Variants in SLMAP observed in about 807,000 individuals in gnomAD.
The protein encoded by SLMAP is sarcolemma associated protein, also known as sarcolemmal membrane-associated protein.
Under a neutral mutation model 128.8 loss-of-function variants are expected in SLMAP, and 44 were observed. That is an observed-to-expected ratio of 0.34 (90% confidence interval 0.27 to 0.44). SLMAP has a LOEUF of 0.44. SLMAP is among the 20% of genes least tolerant of loss of function. The probability of loss-of-function intolerance (pLI) is 1.00; values close to 1 mark genes in which losing one functional copy is unlikely to be tolerated. For synonymous variants in SLMAP, 327 were observed against 348.8 expected (o/e 0.94, Z 0.70); for missense variants, 787 against 985.3 (o/e 0.80, Z 2.69).
chr3:57,873,984 G>A (rs1214517091), intron 14 of SLMAP, among the ~76,000 whole-genome samples: 4 of 152,086 alleles, frequency 2.6e-5, no homozygotes, highest in South Asian at 2.1e-4. Flanking sequence ...TAGCTGGGGC[G>A]TGGTGATGCA....
chr3:57,865,121 C>A, intron 12 of SLMAP, 121 bp from the exon 13 acceptor site: 1 of 604,606 alleles, frequency 1.7e-6, no homozygotes, highest in Non-Finnish European at 2.8e-6. Context: ...ACAGCAGGAT[C>A]CCTTTTAAAG....
At position 57,912,613 on chromosome 3, in the gene SLMAP, G is replaced by A. The variant is rs1370085884; in HGVS notation, c.1932G>A (p.Glu644=). The change falls in exon 20 of 25, where the codon GAG becomes GAA. Residue 644 remains glutamate (E), a synonymous_variant. Coordinates refer to ENST00000671191, the MANE Select transcript of SLMAP (RefSeq NM_001377540.1). ...GGCGGAAAGCAGCGTCTGAATATGA[G>A]AAAGAAATCACAAGTCTGCAAAACA... ...ERWRKAASEY[E]KEITSLQNSF... The A allele has an allele frequency of 6.2e-7, 1 of 1,614,094 alleles. No homozygotes were observed.
chr3:57,805,437 G>A (rs1348534105), intron 2 of SLMAP, among the ~76,000 whole-genome samples: 1 of 152,182 alleles, frequency 6.6e-6, no homozygotes, highest in African/African-American at 2.4e-5. Context: ...CATTGCTGCA[G>A]TATTTCCAAA....
Position 57,916,891 on chromosome 3 carries a change from A to G in SLMAP, c.2139-15A>G, listed in dbSNP as rs758965959. The G allele has an allele frequency of 1.0e-5, 16 of 1,606,022 alleles. No individual in the cohort carries two copies. Among genetic ancestry groups the G allele is most frequent in the Non-Finnish European group, 1.4e-5 (16 of 1,173,958 alleles). On this transcript the variant is annotated splice_polypyrimidine_tract_variant and intron_variant, in intron 21 of 24. Transcript: ENST00000671191. ...TCTACCTGTGAATAACTATCTGTCA[A>G]TATTTATATTGCAGTTCTCAGAAGC...
intron 2 of SLMAP, among the ~76,000 whole-genome samples, chr3:57,823,374 C>T (rs2092677974): frequency 6.6e-6 from 1 of 152,100 alleles, no homozygotes; most frequent in Non-Finnish European, 1.5e-5. Flanking sequence ...TCCCTCCTCC[C>T]ACCACCCTAC....
In SLMAP at chr3:57,909,140, G is replaced by T; in HGVS notation, c.1689G>T (p.Gln563His). Reference protein sequence around the residue: ...NQVEESTKQIQVLQAQLQRLH... With the variant: ...NQVEESTKQIHVLQAQLQRLH... ...TTGAGGAATCCACTAAACAAATACA[G>T]GTTCTTCAAGGTATGGAAGACCCCA... Residue 563 changes from glutamine (Q) to histidine (H), a missense_variant, in exon 19 of 25, where the codon CAG (glutamine) becomes CAT (histidine). This residue lies in a region of SLMAP where 715 missense variants were observed against 843.6 expected (regional missense o/e 0.85). Coordinates refer to ENST00000671191, the MANE Select transcript of SLMAP (RefSeq NM_001377540.1). 1 of 1,604,970 alleles carries T rather than the reference G, an allele frequency of 6.2e-7. No homozygotes were observed. Among genetic ancestry groups the T allele is most frequent in the Admixed American group, 1.7e-5 (1 of 59,270 alleles).
intron 23 of SLMAP, among the ~76,000 whole-genome samples, chr3:57,924,418 GAGTGC>G (rs1181197290): frequency 6.6e-6 from 1 of 151,580 alleles, no homozygotes; most frequent in East Asian, 1.9e-4. Flanking sequence ...GCCCAGGCTG[GAGTGC>G]AGTGGCATGA....
intron 3 of SLMAP, 60 bp downstream of exon 3, chr3:57,831,590 T>C: frequency 8.5e-7 from 1 of 1,179,562 alleles, no homozygotes; most frequent in Middle Eastern, 2.1e-4. Flanking sequence ...AATTTTTTAT[T>C]ATCTTACTTG....
intron 3 of SLMAP, among the ~76,000 whole-genome samples, chr3:57,832,041 C>T (rs770494142): frequency 1.9e-4 from 29 of 152,314 alleles, no homozygotes; most frequent in Non-Finnish European, 3.4e-4. Flanking sequence ...AAGGATGAGG[C>T]GGGGATAAAA....
chr3:57,862,058 A>G lies in SLMAP; in HGVS notation c.938A>G (p.Glu313Gly). ...LANKYNGAVNEIKDLSDKLKV... is the reference protein window; with the variant it reads ...LANKYNGAVNGIKDLSDKLKV... ...AACAAATATAATGGAGCAGTTAATG[A>G]GATTAAAGATTTATCTGATAAATTA... The change falls in exon 10 of 25, where the codon GAG (glutamate) becomes GGG (glycine). Residue 313 changes from glutamate (E) to glycine (G), a missense_variant. Transcript: ENST00000671191. 1 of 1,586,880 alleles carries G rather than the reference A, an allele frequency of 6.3e-7. No individual in the cohort carries two copies. Among genetic ancestry groups the G allele is most frequent in the Non-Finnish European group, 8.7e-7 (1 of 1,155,920 alleles).
chr3:57,844,284 C>T (rs1307209969), intron 4 of SLMAP, among the ~76,000 whole-genome samples: 2 of 152,022 alleles, frequency 1.3e-5, no homozygotes, highest in Non-Finnish European at 2.9e-5. Flanking sequence ...GTCCCAGCTA[C>T]TCAGGAGACT....
At chr3:57,855,705 A>G (rs1490197096) in intron 6 of SLMAP, among the ~76,000 whole-genome samples, 2 of 117,302 alleles carry the variant, frequency 1.7e-5, no homozygotes, top group Non-Finnish European at 3.4e-5. Context: ...AGAACGCCCC[A>G]TCTGTTAAAA....
At chr3:57,859,956 T>C (rs2094969774) in intron 8 of SLMAP, among the ~76,000 whole-genome samples, 1 of 152,184 alleles carries the variant, frequency 6.6e-6, no homozygotes, top group African/African-American at 2.4e-5. Context: ...GAATAATGAA[T>C]TGGTGGTTTT....
chr3:57,845,594 T>A (rs2094201458), intron 4 of SLMAP, among the ~76,000 whole-genome samples: 1 of 151,962 alleles, frequency 6.6e-6, no homozygotes, highest in Admixed American at 6.6e-5. Context: ...GGATGTGGAG[T>A]GATTAGCAGC....
chr3:57,853,995 A>ATATT, intron 6 of SLMAP, among the ~76,000 whole-genome samples: 1 of 110,300 alleles, frequency 9.1e-6, no homozygotes, highest in Non-Finnish European at 1.8e-5. Flanking sequence ...ATATATATAT[A>ATATT]TATATTTACA....
intron 3 of SLMAP, among the ~76,000 whole-genome samples, chr3:57,835,481 C>T (rs1042148959): frequency 5.3e-5 from 8 of 152,068 alleles, no homozygotes; most frequent in South Asian, 2.1e-4. Context: ...AGAAATAAAG[C>T]TAGAATAAAC....
chr3:57,821,912 TTCCTCCTCCTCCTCC>T (rs112836711), intron 2 of SLMAP, among the ~76,000 whole-genome samples: 1 of 148,770 alleles, frequency 6.7e-6, no homozygotes, highest in African/African-American at 2.5e-5. Context: ...GCAATACCTG[TTCCTCCTCCTCCTCC>T]TCCTCCTCCT....
chr3:57,770,529 G>A (rs1263223675), intron 2 of SLMAP, among the ~76,000 whole-genome samples: 1 of 152,222 alleles, frequency 6.6e-6, no homozygotes, highest in Non-Finnish European at 1.5e-5. Flanking sequence ...TCAGTTCTTT[G>A]GGGGTAGTCG....
intron 2 of SLMAP, among the ~76,000 whole-genome samples, chr3:57,784,488 C>T (rs538227470): frequency 1.3e-5 from 2 of 152,254 alleles, no homozygotes; most frequent in East Asian, 1.9e-4. Context: ...GAGTGTCTGT[C>T]CTATGCCTGT....
Sources: allele counts gnomAD v4.1 joint callset (sites outside exome capture counted in the v4.1 genomes callset), GRCh38; gene constraint gnomAD v4.1.1; regional missense constraint gnomAD v4.1.1; transcripts MANE v1.5; gene names NCBI Gene and HGNC (gene_info 2026-07-23, HGNC 2026-07-21).